The following PTCHD4 variants were observed in gnomAD, a reference collection of about 807,000 sequenced individuals.
PTCHD4 encodes patched domain-containing protein 4.
PTCHD4 carries 33 observed loss-of-function variants against 58.1 expected under a neutral mutation model. That is an observed-to-expected ratio of 0.57 (90% CI 0.43 to 0.76). The LOEUF is 0.76. PTCHD4 is among the 30% of genes least tolerant of loss of function. The probability of loss-of-function intolerance (pLI) is 0.00; values close to 1 mark genes in which losing one functional copy is unlikely to be tolerated. For synonymous variants in PTCHD4, 478 were observed against 409.6 expected, an observed-to-expected ratio of 1.17 and a Z score of -2.02; for missense variants, 1,058 against 1,027.1, an observed-to-expected ratio of 1.03 and a Z score of -0.41.
intron 4 of PTCHD4, among the ~76,000 whole-genome samples, chr6:47,953,431 C>G (rs1766731007): frequency 6.6e-6 from 1 of 152,128 alleles, no homozygotes; most frequent in African/African-American, 2.4e-5. Flanking sequence ...CAGTATCCTA[C>G]TTAGAATATA....
chr6:48,063,735 G>A (rs1464481689), intron 3 of PTCHD4, among the ~76,000 whole-genome samples: 2 of 152,184 alleles, frequency 1.3e-5, no homozygotes, highest in Non-Finnish European at 2.9e-5. Context: ...GTAAGGTAGT[G>A]ATGTTTTACT....
At chr6:47,974,078 A>G (rs958739064) in intron 4 of PTCHD4, among the ~76,000 whole-genome samples, 2 of 152,254 alleles carry the variant, frequency 1.3e-5, no homozygotes, top group Admixed American at 6.5e-5. Context: ...CTGACTGCAC[A>G]TGAAGAGAAG....
chr6:47,886,295 T>C (rs1042706954), intron 4 of PTCHD4, among the ~76,000 whole-genome samples: 1 of 152,168 alleles, frequency 6.6e-6, no homozygotes, highest in Non-Finnish European at 1.5e-5. Context: ...TAATGCTCTC[T>C]ACTGAGTTTT....
chr6:48,091,677 C>T lies in PTCHD4; in HGVS notation c.-970+19372G>A, dbSNP rs150500619. 4.9e-4 allele frequency among the ~76,000 whole-genome samples: 67 copies of T among 136,096 alleles called. 1 individual carries two copies. The highest frequency in any genetic ancestry group is 7.2e-3 in the Middle Eastern group (2 of 278). 89.3% of individuals were successfully genotyped at this position (136,096 alleles called of 152,430 possible). On this transcript the variant is annotated intron_variant, in intron 1 of 4. Coordinates refer to ENST00000339488, the MANE Select transcript of PTCHD4 (RefSeq NM_001384253.1). ...TTTCTTTCTTTTTTGGATGGAGTCTCGCTTTGTTGCCCAGGATGGAGTGTA... is the reference window on the plus strand; with the variant it reads ...TTTCTTTCTTTTTTGGATGGAGTCTTGCTTTGTTGCCCAGGATGGAGTGTA...
chr6:47,878,142 C>T lies in PTCHD4; in HGVS notation c.*161G>A. On this transcript the variant is annotated 3_prime_UTR_variant, in exon 5 of 5. Coordinates refer to ENST00000339488, the MANE Select transcript of PTCHD4 (RefSeq NM_001384253.1). ...TTTCCTCTTTTTTTATTCCCTCTTCCCCCCAAGAAGCAGGCACCTTGAAGT... is the reference window on the plus strand; with the variant it reads ...TTTCCTCTTTTTTTATTCCCTCTTCTCCCCAAGAAGCAGGCACCTTGAAGT... 2 of 558,880 alleles carry T rather than the reference C, an allele frequency of 3.6e-6. No individual in the cohort carries two copies. The highest frequency in any genetic ancestry group is 3.1e-6 in the Non-Finnish European group (1 of 326,868). 34.6% of individuals were successfully genotyped at this position (558,880 alleles called of 1,614,324 possible).
intron 4 of PTCHD4, among the ~76,000 whole-genome samples, chr6:47,998,745 C>A (rs1581994679): frequency 6.6e-6 from 1 of 152,120 alleles, no homozygotes; most frequent in Admixed American, 6.5e-5. Context: ...TCTTTTCCAC[C>A]TCCTTTAAAA....
chr6:47,957,837 C>G (rs1766931912), intron 4 of PTCHD4, among the ~76,000 whole-genome samples: 1 of 151,966 alleles, frequency 6.6e-6, no homozygotes, highest in Admixed American at 6.6e-5. Flanking sequence ...ATCACCTTAC[C>G]TCGTGATCTG....
At chr6:47,945,876 T>A (rs993728679) in intron 4 of PTCHD4, among the ~76,000 whole-genome samples, 2 of 151,880 alleles carry the variant, frequency 1.3e-5, no homozygotes, top group African/African-American at 4.8e-5. Flanking sequence ...ATATTTTAGT[T>A]AATGTAAATA....
At chr6:48,109,225 G>T (rs1440465162) in intron 1 of PTCHD4, among the ~76,000 whole-genome samples, 1 of 152,004 alleles carries the variant, frequency 6.6e-6, no homozygotes, top group African/African-American at 2.4e-5. Flanking sequence ...CTGTTTCAAA[G>T]CAAAGAATAA....
At position 47,871,580 on chromosome 6, in the gene PTCHD4, G is replaced by C. The variant is rs1486523431; in HGVS notation, c.*6723C>G. On this transcript the variant is annotated 3_prime_UTR_variant, in exon 5 of 5. Coordinates refer to ENST00000339488, the MANE Select transcript of PTCHD4 (RefSeq NM_001384253.1). ...ATATTATGTTAACCAGAATGTATAA[G>C]TGGGACTGCATATAGGAGTGCTCAT... Among the ~76,000 whole-genome samples, 1 of 151,622 alleles carries C rather than the reference G, an allele frequency of 6.6e-6. No homozygotes were observed. The highest frequency in any genetic ancestry group is 1.5e-5 in the Non-Finnish European group (1 of 67,730).
Position 48,009,063 on chromosome 6 carries a change from G to C in PTCHD4, c.469C>G (p.Pro157Ala), listed in dbSNP as rs1265817146. The change falls in exon 4 of 5, where the codon CCA becomes GCA. Residue 157 changes from proline to alanine, a missense_variant. Physicochemically the swap from Pro to Ala is conservative, Grantham distance 27 (BLOSUM62 -1). Transcript: ENST00000339488. ...GHQLGGVVEV[P>A]NSKDQRVKSA... The stretch of plus-strand genomic sequence containing the variant: ...TTGACCCGCTGATCTTTGCTGTTTG[G>C]CACTTCCACTACCCCGCCCAGTTGG... The C allele has an allele frequency of 1.2e-6, 2 of 1,613,626 alleles. No individual in the cohort carries two copies. The highest frequency in any genetic ancestry group is 3.3e-5 in the Admixed American group (2 of 59,944).
In PTCHD4 at chr6:47,878,023, C is replaced by A. The variant is rs1030923578; in HGVS notation, c.*280G>T. ...GAAGCTGGTTATTTTGGCCTTCTAT[C>A]TTAACACTCCATTGATTCATCCATT... On this transcript the variant is annotated 3_prime_UTR_variant, in exon 5 of 5. Transcript: ENST00000339488. 23 of 282,448 alleles carry A rather than the reference C, an allele frequency of 8.1e-5. 1 individual carries two copies. The South Asian group carries it at 9.8e-4, about 12-fold the overall frequency. 17.5% of individuals were successfully genotyped at this position (282,448 alleles called of 1,614,324 possible).
chr6:48,096,940 A>G (rs1456774494), intron 1 of PTCHD4, among the ~76,000 whole-genome samples: 1 of 152,222 alleles, frequency 6.6e-6, no homozygotes, highest in Non-Finnish European at 1.5e-5. Context: ...ATACACAAAT[A>G]TTGATATAGG....
At chr6:48,054,633 G>A (rs1764345953) in intron 3 of PTCHD4, among the ~76,000 whole-genome samples, 1 of 151,968 alleles carries the variant, frequency 6.6e-6, no homozygotes, top group Non-Finnish European at 1.5e-5. Flanking sequence ...ACCAATAAAT[G>A]GTTAAGTAAA....
intron 3 of PTCHD4, among the ~76,000 whole-genome samples, chr6:48,018,885 T>C (rs1285574403): frequency 1.3e-5 from 2 of 152,226 alleles, no homozygotes; most frequent in Non-Finnish European, 1.5e-5. Context: ...CAAATCCCTA[T>C]GTATAATGTC....
intron 4 of PTCHD4, among the ~76,000 whole-genome samples, chr6:47,933,979 T>C (rs75682964): frequency 0.018 from 2,728 of 152,332 alleles, 54 homozygotes; most frequent in Non-Finnish European, 0.027. Flanking sequence ...GTTATCTCTA[T>C]ACTATCTTGG....
At chr6:48,089,275 A>G (rs1026457718) in intron 1 of PTCHD4, among the ~76,000 whole-genome samples, 2 of 152,198 alleles carry the variant, frequency 1.3e-5, no homozygotes, top group African/African-American at 4.8e-5. Context: ...AGTATTCTTT[A>G]TTTAATACTT....
At chr6:47,974,499 A>G (rs201793705) in intron 4 of PTCHD4, among the ~76,000 whole-genome samples, 1 of 152,030 alleles carries the variant, frequency 6.6e-6, no homozygotes, top group Non-Finnish European at 1.5e-5. Context: ...TGACATTTGG[A>G]GCTGGGTTTT....
At chr6:47,957,090 T>C (rs1290355917) in intron 4 of PTCHD4, among the ~76,000 whole-genome samples, 1 of 150,972 alleles carries the variant, frequency 6.6e-6, no homozygotes, top group East Asian at 1.9e-4. Context: ...ACTTGAACCC[T>C]GGAGGCGGAG....
Sources: gnomAD v4.1 joint callset for allele counts (sites outside exome capture counted in the v4.1 genomes callset) on GRCh38, gnomAD v4.1.1 for gene constraint, MANE v1.5 for transcripts, NCBI Gene and HGNC (gene_info 2026-07-23, HGNC 2026-07-21) for gene names.